MPP4: variants seen among roughly 807,000 people sequenced by gnomAD.
MPP4 encodes MAGUK p55 subfamily member 4.
A neutral mutation model predicts 98.3 loss-of-function variants in MPP4; 91 were observed. The observed-to-expected ratio is 0.93, with a 90% CI of 0.78 to 1.10. The LOEUF (loss-of-function observed/expected upper bound fraction) is 1.10, where lower values mean the gene tolerates loss of function less well. Ranked by LOEUF, MPP4 falls within the 50% of genes least tolerant of loss-of-function variation. The probability of loss-of-function intolerance (pLI) is 0.00; values close to 1 mark genes in which losing one functional copy is unlikely to be tolerated. For synonymous variants in MPP4, 261 were observed against 271.8 expected, an observed-to-expected ratio of 0.96 and a Z score of 0.39; for missense variants, 744 against 792.9, an observed-to-expected ratio of 0.94 and a Z score of 0.74.
intron 12 of MPP4, among the ~76,000 whole-genome samples, chr2:201,667,404 A>C (rs1409092152): frequency 1.3e-5 from 2 of 152,216 alleles, no homozygotes; most frequent in African/African-American, 4.8e-5. Context: ...GCTACTGCAC[A>C]TCTATTCTAC....
Position 201,655,053 on chromosome 2 carries a change from T to C in MPP4, c.1301-136A>G, listed in dbSNP as rs567443699. The C allele has an allele frequency of 5.7e-5, 34 of 594,554 alleles. No individual in the cohort carries two copies. The African/African-American group carries it at 5.8e-4, about 10-fold the overall frequency. The allele number at this position is 594,554 out of a possible 1,614,324, so 36.8% of individuals were successfully genotyped here. On this transcript the variant is annotated intron_variant, in intron 17 of 21. Transcript: ENST00000409474. ...TAGGGAAATTATGTAACTTCCTTTC[T>C]CATAAATTGGAAGAACCCCAGAAAA...
intron 17 of MPP4, among the ~76,000 whole-genome samples, chr2:201,655,408 A>G (rs1307659748): frequency 2.0e-5 from 3 of 152,218 alleles, no homozygotes; most frequent in African/African-American, 7.2e-5. Context: ...GAACCTGTGC[A>G]GTTACACAGG....
chr2:201,678,667 C>T (rs773463958), intron 10 of MPP4, among the ~76,000 whole-genome samples: 2 of 152,126 alleles, frequency 1.3e-5, no homozygotes, highest in African/African-American at 4.8e-5. Flanking sequence ...AGAGATGGCT[C>T]GCGTCACATG....
intron 11 of MPP4, 155 bp downstream of exon 11, chr2:201,675,052 C>T (rs1688464749): frequency 1.1e-6 from 1 of 897,660 alleles, no homozygotes; most frequent in Non-Finnish European, 1.8e-6. Flanking sequence ...TTGAAAAACC[C>T]CTAATCTAGG....
At chr2:201,669,386 A>G (rs539664098) in intron 12 of MPP4, among the ~76,000 whole-genome samples, 1 of 152,330 alleles carries the variant, frequency 6.6e-6, no homozygotes, top group South Asian at 2.1e-4. Context: ...TGTATAAAGC[A>G]GTTGAAACAA....
intron 16 of MPP4, among the ~76,000 whole-genome samples, chr2:201,658,111 G>A (rs1687912783): frequency 6.6e-6 from 1 of 151,972 alleles, no homozygotes; most frequent in Admixed American, 6.6e-5. Context: ...GTGGTACCTG[G>A]TCCTTCACAA....
intron 10 of MPP4, among the ~76,000 whole-genome samples, chr2:201,679,745 C>T (rs527871285): frequency 7.9e-5 from 12 of 152,316 alleles, no homozygotes; most frequent in East Asian, 3.9e-4. Context: ...CTAAAAATTT[C>T]GCTCACACCA....
At chr2:201,689,949 T>C (rs1278980150) in intron 4 of MPP4, among the ~76,000 whole-genome samples, 1 of 152,056 alleles carries the variant, frequency 6.6e-6, no homozygotes, top group East Asian at 1.9e-4. Context: ...GCAAATGGAG[T>C]ACGAGACTTA....
Position 201,686,030 on chromosome 2 carries a change from G to A in MPP4, c.381C>T (p.Asp127=). 6.2e-7 allele frequency: 1 copy of A among 1,612,210 alleles called. No homozygotes were observed. The highest frequency in any genetic ancestry group is 8.5e-7 in the Non-Finnish European group (1 of 1,178,466). Residue 127 remains aspartate, a synonymous_variant, in exon 6 of 22, where the codon GAC becomes GAT. Coordinates refer to ENST00000409474, the MANE Select transcript of MPP4 (RefSeq NM_033066.3). ...PHFKALLSAH[D]TIAQKDFEPL... is the part of the protein sequence containing the mutation. ...GTTCAAAATCTTTCTGAGCTATCGT[G>A]TCATGGGCACTGAGCAAGGCCTGGG...
At chr2:201,663,312 G>C (rs1045333697) in intron 14 of MPP4, among the ~76,000 whole-genome samples, 7 of 152,296 alleles carry the variant, frequency 4.6e-5, no homozygotes, top group African/African-American at 1.4e-4. Flanking sequence ...CAATCAATGT[G>C]ACAATAAAAA....
intron 16 of MPP4, 91 bp downstream of exon 16, chr2:201,658,386 A>C: frequency 9.2e-7 from 1 of 1,086,628 alleles, no homozygotes; most frequent in South Asian, 1.4e-5. Flanking sequence ...GGAAATGTTC[A>C]TTAGCAAAAG....
At chr2:201,649,921 G>T in intron 19 of MPP4, 151 bp downstream of exon 19, 2 of 799,120 alleles carry the variant, frequency 2.5e-6, no homozygotes, top group African/African-American at 1.7e-5. Flanking sequence ...CCAGTGAGTT[G>T]GTGTGCTGTA....
intron 1 of MPP4, 116 bp downstream of exon 1, chr2:201,698,471 C>T (rs1689255041): frequency 1.5e-6 from 1 of 687,272 alleles, no homozygotes; most frequent in Non-Finnish European, 2.2e-6. Flanking sequence ...TGAAACTAAG[C>T]CATTTGAGTT....
At chr2:201,687,474 C>T in intron 4 of MPP4, 103 bp from the exon 5 acceptor site, 1 of 783,168 alleles carries the variant, frequency 1.3e-6, no homozygotes, top group South Asian at 1.9e-5. Flanking sequence ...TGATATTGAC[C>T]TTTAAAAAGC....
chr2:201,686,649 G>A (rs539750903), intron 5 of MPP4, among the ~76,000 whole-genome samples: 3 of 152,252 alleles, frequency 2.0e-5, no homozygotes, highest in Non-Finnish European at 4.4e-5. Flanking sequence ...GACTGAGATT[G>A]GTAGACACAA....
At chr2:201,650,722 T>A (rs1687691346) in intron 18 of MPP4, 6 of 985,426 alleles carry the variant, frequency 6.1e-6, no homozygotes, top group Non-Finnish European at 7.2e-6. Context: ...AACAATAGAT[T>A]CTCAAATTTG....
chr2:201,652,729 G>A (rs1306542142), intron 18 of MPP4, among the ~76,000 whole-genome samples: 2 of 152,148 alleles, frequency 1.3e-5, no homozygotes, highest in Non-Finnish European at 2.9e-5. Context: ...GAGAGTATGA[G>A]TCACTTCTCT....
At chr2:201,675,806 G>T (rs947237389) in intron 10 of MPP4, among the ~76,000 whole-genome samples, 2 of 152,058 alleles carry the variant, frequency 1.3e-5, no homozygotes, top group African/African-American at 4.8e-5. Context: ...CAATTTCTTT[G>T]GGCAGGTTTT....
intron 14 of MPP4, among the ~76,000 whole-genome samples, chr2:201,663,062 G>A (rs888251161): frequency 3.9e-5 from 6 of 152,088 alleles, no homozygotes; most frequent in Admixed American, 6.6e-5. Context: ...TAGCAATATC[G>A]AATAAACAGG....
Sources: allele counts gnomAD v4.1 joint callset (sites outside exome capture counted in the v4.1 genomes callset), GRCh38; gene constraint gnomAD v4.1.1; transcripts MANE v1.5; gene names NCBI Gene and HGNC (gene_info 2026-07-23, HGNC 2026-07-21).